Variants in DOCK1 observed in about 807,000 individuals in gnomAD.
The protein encoded by DOCK1 is dedicator of cytokinesis 1.
A neutral mutation model predicts 262.7 loss-of-function variants in DOCK1; 138 were observed. That is an observed-to-expected ratio of 0.53 (90% CI 0.46 to 0.61). DOCK1 has a LOEUF of 0.61. DOCK1 is among the 20% of genes least tolerant of loss of function. The pLI is 0.00. For synonymous variants in DOCK1, 866 were observed against 867.4 expected (o/e 1.00, Z 0.03); for missense variants, 1,908 against 2,370.7 (o/e 0.80, Z 4.05).
At chr10:127,357,989 A>G (rs1835648327) in intron 32 of DOCK1, among the ~76,000 whole-genome samples, 1 of 141,594 alleles carries the variant, frequency 7.1e-6, no homozygotes, top group Non-Finnish European at 1.5e-5. Flanking sequence ...CCTACTTTCT[A>G]CATAGTTTTT....
At chr10:127,439,373 C>G (rs2069920851) in intron 49 of DOCK1, 148 bp downstream of exon 49, 1 of 772,876 alleles carries the variant, frequency 1.3e-6, no homozygotes, top group South Asian at 1.9e-5. Flanking sequence ...CTCCCCTAAC[C>G]TCAAATGTCC....
intron 33 of DOCK1, among the ~76,000 whole-genome samples, chr10:127,371,386 A>G (rs553466116): frequency 6.6e-6 from 1 of 152,354 alleles, no homozygotes; most frequent in African/African-American, 2.4e-5. Flanking sequence ...GGAAATCATT[A>G]AGTTCATCAG....
At chr10:127,266,868 C>G (rs1356811843) in intron 29 of DOCK1, among the ~76,000 whole-genome samples, 1 of 152,154 alleles carries the variant, frequency 6.6e-6, no homozygotes, top group African/African-American at 2.4e-5. Flanking sequence ...ATTTCACAGC[C>G]CAGAGTCCCC....
At chr10:126,987,485 C>G in intron 4 of DOCK1, 36 bp from the exon 5 acceptor site, 2 of 1,532,094 alleles carry the variant, frequency 1.3e-6, no homozygotes, top group South Asian at 1.2e-5. Context: ...GCAGTGAAAC[C>G]GTGGACTCAG....
intron 27 of DOCK1, among the ~76,000 whole-genome samples, chr10:127,205,013 C>T (rs2057649729): frequency 6.6e-6 from 1 of 151,968 alleles, no homozygotes; most frequent in Non-Finnish European, 1.5e-5. Context: ...GCTGGATGCC[C>T]CTAAGTTCTA....
At chr10:127,145,051 G>C (rs200424401) in intron 27 of DOCK1, among the ~76,000 whole-genome samples, 2 of 152,156 alleles carry the variant, frequency 1.3e-5, no homozygotes, top group East Asian at 3.9e-4. Context: ...AATGCATCTT[G>C]GATGTTTTCC....
Position 127,383,704 on chromosome 10 carries a change from C to T in DOCK1, c.3808-1086C>T, listed in dbSNP as rs1225471349. 2.6e-5 allele frequency among the ~76,000 whole-genome samples: 4 copies of T among 152,116 alleles called. No individual in the cohort carries two copies. In the South Asian group the frequency reaches 8.3e-4, roughly 32 times the overall value. On this transcript the variant is annotated intron_variant, in intron 37 of 51. Coordinates refer to ENST00000623213, the MANE Select transcript of DOCK1 (RefSeq NM_001290223.2). ...GCTGACGGAGCCTTGCCCCGTTGCC[C>T]GGACCCCAGCTTCCCACTTAGTGCC...
At chr10:127,167,744 C>T (rs1051400483) in intron 27 of DOCK1, among the ~76,000 whole-genome samples, 5 of 152,142 alleles carry the variant, frequency 3.3e-5, no homozygotes, top group African/African-American at 1.2e-4. Flanking sequence ...ACCAAATGAA[C>T]TGGTCCTGTC....
chr10:127,412,588 G>C (rs538534912), intron 43 of DOCK1, among the ~76,000 whole-genome samples: 1 of 152,294 alleles, frequency 6.6e-6, no homozygotes, highest in East Asian at 1.9e-4. Flanking sequence ...AGGCATCTAG[G>C]CTGCAAAGGT....
At chr10:127,430,269 CG>C (rs988692096) in intron 47 of DOCK1, among the ~76,000 whole-genome samples, 1 of 152,194 alleles carries the variant, frequency 6.6e-6, no homozygotes, top group Non-Finnish European at 1.5e-5. Flanking sequence ...CCACAGCTGC[CG>C]GGGGGACCCA....
chr10:127,154,252 C>G (rs1564847106), intron 27 of DOCK1, among the ~76,000 whole-genome samples: 1 of 152,176 alleles, frequency 6.6e-6, no homozygotes, highest in Non-Finnish European at 1.5e-5. Context: ...TGAGGAAAAA[C>G]CAACCACATA....
chr10:127,093,596 C>G (rs1564798124), intron 23 of DOCK1, among the ~76,000 whole-genome samples: 1 of 151,778 alleles, frequency 6.6e-6, no homozygotes, highest in Non-Finnish European at 1.5e-5. Flanking sequence ...TCAAGCGATC[C>G]TCCTGCCTCA....
Position 127,425,138 on chromosome 10 carries a change from G to A in DOCK1, c.4777-736G>A, listed in dbSNP as rs58569189. The stretch of plus-strand genomic sequence containing the variant: ...TTTAATTATAAATTATTGAGAGGAA[G>A]CCTCTTAGCTTGATTACATGGAAGA... On this transcript the variant is annotated intron_variant, in intron 46 of 51. Transcript: ENST00000623213. 4.2e-3 allele frequency among the ~76,000 whole-genome samples: 645 copies of A among 152,268 alleles called. 7 individuals are homozygous for A. The highest frequency in any genetic ancestry group is 0.014 in the African/African-American group (600 of 41,540).
At chr10:127,331,280 T>G (rs2062968430) in intron 29 of DOCK1, among the ~76,000 whole-genome samples, 2 of 151,570 alleles carry the variant, frequency 1.3e-5, no homozygotes, top group African/African-American at 2.4e-5. Context: ...GTTGTTTTTG[T>G]TTTTTTTTGT....
At chr10:126,956,541 C>G (rs917357961) in intron 1 of DOCK1, among the ~76,000 whole-genome samples, 56 of 152,268 alleles carry the variant, frequency 3.7e-4, no homozygotes, top group African/African-American at 1.2e-3. Flanking sequence ...GATCCTTGCT[C>G]CCCGCCCACG....
At chr10:126,979,777 C>T (rs531537758) in intron 3 of DOCK1, among the ~76,000 whole-genome samples, 3 of 152,238 alleles carry the variant, frequency 2.0e-5, no homozygotes, top group African/African-American at 7.2e-5. Context: ...TGTAAGGGGC[C>T]TCCTAGGCAG....
At chr10:127,294,057 C>T (rs953430150) in intron 29 of DOCK1, among the ~76,000 whole-genome samples, 2 of 152,160 alleles carry the variant, frequency 1.3e-5, no homozygotes, top group Non-Finnish European at 2.9e-5. Context: ...GTGTGCTCGC[C>T]CACGTTACCC....
intron 16 of DOCK1, among the ~76,000 whole-genome samples, chr10:127,029,134 A>G (rs1360252432): frequency 6.6e-6 from 1 of 152,226 alleles, no homozygotes; most frequent in Non-Finnish European, 1.5e-5. Flanking sequence ...ATCACCCAAC[A>G]TACCAGGACA....
In DOCK1 at chr10:127,082,939, C is replaced by A. The variant is rs138505660; in HGVS notation, c.2445+21163C>A. On this transcript the variant is annotated intron_variant, in intron 23 of 51. Coordinates refer to ENST00000623213, the MANE Select transcript of DOCK1 (RefSeq NM_001290223.2). Reference sequence around the variant, plus strand: ...GTCTTTGTGAGCAGGGATCTTTCTCCTTGGAAGGCCTGTTCTCTTCCTGTC... The same window carrying A: ...GTCTTTGTGAGCAGGGATCTTTCTCATTGGAAGGCCTGTTCTCTTCCTGTC... 5.3e-4 allele frequency among the ~76,000 whole-genome samples: 80 copies of A among 152,244 alleles called. No individual in the cohort carries two copies. In the South Asian group the frequency reaches 0.011, roughly 20 times the overall value.
Sources: gnomAD v4.1 joint callset for allele counts (sites outside exome capture counted in the v4.1 genomes callset) on GRCh38, gnomAD v4.1.1 for gene constraint, MANE v1.5 for transcripts, NCBI Gene and HGNC (gene_info 2026-07-23, HGNC 2026-07-21) for gene names.